Variants in GRIK1 observed in about 807,000 individuals in gnomAD.
GRIK1 encodes glutamate ionotropic receptor kainate type subunit 1, also known as glutamate receptor ionotropic, kainate 1.
A neutral mutation model predicts 105.7 loss-of-function variants in GRIK1; 69 were observed. That is an observed-to-expected ratio of 0.65 (90% confidence interval 0.54 to 0.80). The LOEUF (loss-of-function observed/expected upper bound fraction) is 0.80. GRIK1 is among the 30% of genes least tolerant of loss of function. GRIK1 has a pLI of 0.00. For missense variants in GRIK1, 1,109 were observed against 1,167.3 expected, an observed-to-expected ratio of 0.95 and a Z score of 0.73; for synonymous variants, 438 against 431.3, an observed-to-expected ratio of 1.02 and a Z score of -0.19.
intron 1 of GRIK1, among the ~76,000 whole-genome samples, chr21:29,695,476 C>CTATA (rs146618561): frequency 0.2 from 27,652 of 139,610 alleles, 3,016 homozygotes; most frequent in Middle Eastern, 0.28. Context: ...ATCTATCTAT[C>CTATA]TATATATATA....
intron 15 of GRIK1, among the ~76,000 whole-genome samples, chr21:29,560,382 TTCCTTCCTTC>T (rs2090401504): frequency 2.7e-5 from 2 of 75,452 alleles, no homozygotes. Flanking sequence ...CCTTCCTTCC[TTCCTTCCTTC>T]CTTCCTTCCT....
At chr21:29,780,992 C>T (rs1357456183) in intron 1 of GRIK1, among the ~76,000 whole-genome samples, 1 of 152,094 alleles carries the variant, frequency 6.6e-6, no homozygotes, top group Non-Finnish European at 1.5e-5. Flanking sequence ...TAACACATTC[C>T]CATCTGGAAT....
intron 1 of GRIK1, among the ~76,000 whole-genome samples, chr21:29,697,064 A>G (rs796634970): frequency 2.0e-5 from 3 of 152,346 alleles, no homozygotes; most frequent in African/African-American, 7.2e-5. Flanking sequence ...ATTCAAAATC[A>G]CAGTCTTGTC....
chr21:29,807,089 G>C (rs377342904), intron 1 of GRIK1, among the ~76,000 whole-genome samples: 2 of 152,262 alleles, frequency 1.3e-5, no homozygotes, highest in East Asian at 3.9e-4. Context: ...AGCAGGGTTT[G>C]AACACAGCAG....
At chr21:29,845,810 A>G (rs2146021651) in intron 1 of GRIK1, among the ~76,000 whole-genome samples, 1 of 152,206 alleles carries the variant, frequency 6.6e-6, no homozygotes, top group Admixed American at 6.5e-5. Flanking sequence ...TAGTTTGTTG[A>G]AGAATTGGGT....
intron 1 of GRIK1, among the ~76,000 whole-genome samples, chr21:29,788,940 C>T (rs1404359796): frequency 6.6e-6 from 1 of 152,206 alleles, no homozygotes; most frequent in South Asian, 2.1e-4. Context: ...GTTTCACTCA[C>T]TCACTCACGG....
intron 14 of GRIK1, among the ~76,000 whole-genome samples, chr21:29,566,239 G>A (rs1204276729): frequency 6.6e-6 from 1 of 152,132 alleles, no homozygotes; most frequent in Non-Finnish European, 1.5e-5. Flanking sequence ...AATAATATAT[G>A]TTCCAAAAAC....
chr21:29,592,126 A>T (rs1445112855), intron 9 of GRIK1, among the ~76,000 whole-genome samples: 2 of 152,330 alleles, frequency 1.3e-5, no homozygotes, highest in African/African-American at 4.8e-5. Flanking sequence ...AGTAGACTAA[A>T]TTCAGGGCCT....
chr21:29,606,757 C>T (rs575749905), intron 7 of GRIK1, among the ~76,000 whole-genome samples: 1 of 151,960 alleles, frequency 6.6e-6, no homozygotes, highest in East Asian at 1.9e-4. Context: ...TAAGTAGCAA[C>T]AAACTTTACT....
intron 1 of GRIK1, among the ~76,000 whole-genome samples, chr21:29,707,089 C>T (rs2063925714): frequency 1.3e-5 from 2 of 152,166 alleles, no homozygotes; most frequent in Admixed American, 6.5e-5. Flanking sequence ...TGGTCCTGAT[C>T]TCCTGACCTC....
intron 1 of GRIK1, among the ~76,000 whole-genome samples, chr21:29,823,628 T>G (rs2067366170): frequency 6.6e-6 from 1 of 151,898 alleles, no homozygotes; most frequent in African/African-American, 2.4e-5. Context: ...TTAGACAACT[T>G]GACCAAGGAG....
chr21:29,609,144 T>G (rs1467191890), intron 7 of GRIK1, among the ~76,000 whole-genome samples: 1 of 150,038 alleles, frequency 6.7e-6, no homozygotes, highest in African/African-American at 2.4e-5. Flanking sequence ...AATAATAAGA[T>G]AATAATATAT....
At chr21:29,664,953 C>A (rs1393413481) in intron 4 of GRIK1, among the ~76,000 whole-genome samples, 1 of 152,148 alleles carries the variant, frequency 6.6e-6, no homozygotes, top group Non-Finnish European at 1.5e-5. Flanking sequence ...TAAGATGTGC[C>A]CTGACATACA....
chr21:29,872,734 G>T lies in GRIK1; in HGVS notation c.118+66649C>A, dbSNP rs188726635. ...GGCAGGCAAAAGAGAAGCTTGTGCA[G>T]GGAAACTCCCCTTTATAAAACCATC... On this transcript the variant is annotated intron_variant, in intron 1 of 17. Transcript: ENST00000327783. Among the ~76,000 whole-genome samples, 361 of 152,322 alleles carry T rather than the reference G, an allele frequency of 2.4e-3. 2 individuals carry two copies. Among genetic ancestry groups the T allele is most frequent in the African/African-American group, 4.0e-3 (168 of 41,574 alleles).
At chr21:29,921,278 A>G (rs113867016) in intron 1 of GRIK1, among the ~76,000 whole-genome samples, 3 of 152,284 alleles carry the variant, frequency 2.0e-5, no homozygotes, top group African/African-American at 4.8e-5. Flanking sequence ...AAATCAATAT[A>G]TAAGTGTAAT....
At chr21:29,806,794 G>C (rs2066874897) in intron 1 of GRIK1, among the ~76,000 whole-genome samples, 1 of 152,106 alleles carries the variant, frequency 6.6e-6, no homozygotes, top group Non-Finnish European at 1.5e-5. Context: ...ATTCTTCAGT[G>C]AAATAAAAGT....
intron 1 of GRIK1, among the ~76,000 whole-genome samples, chr21:29,930,060 C>G (rs1454435872): frequency 6.6e-6 from 1 of 152,160 alleles, no homozygotes; most frequent in Non-Finnish European, 1.5e-5. Flanking sequence ...TTTTCTTAAC[C>G]ATTCTCTCCT....
intron 1 of GRIK1, among the ~76,000 whole-genome samples, chr21:29,800,485 C>T (rs1383182406): frequency 1.3e-5 from 2 of 152,130 alleles, no homozygotes; most frequent in Non-Finnish European, 2.9e-5. Flanking sequence ...TGGACTATAG[C>T]GAGAGTATGT....
At chr21:29,740,638 C>T (rs1336333543) in intron 1 of GRIK1, among the ~76,000 whole-genome samples, 1 of 152,158 alleles carries the variant, frequency 6.6e-6, no homozygotes, top group Non-Finnish European at 1.5e-5. Context: ...CTCTTCAGTG[C>T]CACATGCCAA....
Sources: allele counts gnomAD v4.1 joint callset (sites outside exome capture counted in the v4.1 genomes callset), GRCh38; gene constraint gnomAD v4.1.1; transcripts MANE v1.5; gene names NCBI Gene and HGNC (gene_info 2026-07-23, HGNC 2026-07-21).